EIF4ENIF1: variants seen among roughly 807,000 people sequenced by gnomAD.
EIF4ENIF1 encodes the protein eukaryotic translation initiation factor 4E nuclear import factor 1, also known as eukaryotic translation initiation factor 4E transporter.
In EIF4ENIF1, 23 loss-of-function variants were observed where a neutral mutation model predicts 110.5. That is an observed-to-expected ratio of 0.21 (90% CI 0.15 to 0.29). The LOEUF is 0.29. Among genes scored for constraint, EIF4ENIF1 ranks in the 10% least tolerant of loss-of-function variants. The pLI is 1.00. For synonymous variants in EIF4ENIF1, 440 were observed against 437.0 expected, an observed-to-expected ratio of 1.01 and a Z score of -0.09; for missense variants, 1,031 against 1,221.1, an observed-to-expected ratio of 0.84 and a Z score of 2.32.
At chr22:31,482,027 C>T (rs2051833406) in intron 2 of EIF4ENIF1, among the ~76,000 whole-genome samples, 1 of 151,806 alleles carries the variant, frequency 6.6e-6, no homozygotes, top group South Asian at 2.1e-4. Flanking sequence ...AAAAATTAGC[C>T]ATGTGTGGTG....
chr22:31,459,816 G>A (rs887958219), intron 6 of EIF4ENIF1, among the ~76,000 whole-genome samples: 7 of 152,026 alleles, frequency 4.6e-5, no homozygotes, highest in Non-Finnish European at 8.8e-5. Flanking sequence ...TTAGCTAATG[G>A]GATGAACCAA....
chr22:31,463,430 G>A (rs567818281), intron 5 of EIF4ENIF1, among the ~76,000 whole-genome samples: 2 of 152,154 alleles, frequency 1.3e-5, no homozygotes, highest in South Asian at 2.1e-4. Context: ...TGTAATCCCA[G>A]CACTTTGGGA....
Position 31,458,639 on chromosome 22 carries a change from A to T in EIF4ENIF1, c.799T>A (p.Cys267Ser). 7 of 1,596,160 alleles carry T rather than the reference A, an allele frequency of 4.4e-6. No homozygotes were observed. Among genetic ancestry groups the T allele is most frequent in the Non-Finnish European group, 6.0e-6 (7 of 1,170,374 alleles). Reference sequence around the variant, plus strand: ...TCCTCTTCGGCCACTCCTCCATTGCACTCTACTATACCTGAAAGCAAAACC... The same window carrying T: ...TCCTCTTCGGCCACTCCTCCATTGCTCTCTACTATACCTGAAAGCAAAACC... ...TASVKEGIVE[C>S]NGGVAEEDEV... The change falls in exon 7 of 19, where the codon TGC becomes AGC. Residue 267 changes from cysteine to serine, a missense_variant. Around this residue, in one of 3 missense-constraint regions of EIF4ENIF1, gnomAD observed 704 missense variants for 879.7 expected, o/e 0.80. Coordinates refer to ENST00000330125, the MANE Select transcript of EIF4ENIF1 (RefSeq NM_019843.4).
intron 10 of EIF4ENIF1, among the ~76,000 whole-genome samples, chr22:31,452,866 G>A (rs1374246420): frequency 1.3e-5 from 2 of 152,332 alleles, no homozygotes; most frequent in East Asian, 3.9e-4. Context: ...CCTTTCAAGT[G>A]TAGGTCAGTC....
At chr22:31,451,518 C>A (rs2050674733) in intron 10 of EIF4ENIF1, among the ~76,000 whole-genome samples, 1 of 152,058 alleles carries the variant, frequency 6.6e-6, no homozygotes, top group Admixed American at 6.6e-5. Context: ...TCGTGATCTG[C>A]CCGCCTCGGC....
intron 14 of EIF4ENIF1, among the ~76,000 whole-genome samples, chr22:31,445,961 C>CCG (rs1555902735): frequency 1.3e-5 from 2 of 148,248 alleles, no homozygotes; most frequent in East Asian, 4.2e-4. Flanking sequence ...CCGCCCCCCC[C>CCG]CCCCATCTAC....
intron 2 of EIF4ENIF1, among the ~76,000 whole-genome samples, chr22:31,475,376 G>A (rs958990804): frequency 3.9e-5 from 6 of 152,240 alleles, no homozygotes; most frequent in Non-Finnish European, 7.4e-5. Context: ...AGGCTGAAGC[G>A]GGAAGACTGC....
rs1184029036 is a variant in EIF4ENIF1 at position 31,455,101 on chromosome 22, T to A, written c.1279+35A>T. ...CTGAAGACTGAACATCTAGACCTTT[T>A]CAGATATCTAAAACAGATATTCATA... On this transcript the variant is annotated intron_variant, in intron 9 of 18. Coordinates refer to ENST00000330125, the MANE Select transcript of EIF4ENIF1 (RefSeq NM_019843.4). 7 of 1,552,562 alleles carry A rather than the reference T, an allele frequency of 4.5e-6. No individual in the cohort carries two copies. In the East Asian group the frequency reaches 6.8e-5, roughly 15 times the overall value.
chr22:31,443,258 G>A (rs16989620), intron 15 of EIF4ENIF1, 164 bp from the exon 16 acceptor site: 41,817 of 931,330 alleles, frequency 0.045, 997 homozygotes, highest in Non-Finnish European at 0.051. Flanking sequence ...ACAGAATGGG[G>A]CAAATAGGCA....
chr22:31,482,051 G>T (rs749027743), intron 2 of EIF4ENIF1, among the ~76,000 whole-genome samples: 2 of 151,706 alleles, frequency 1.3e-5, no homozygotes, highest in African/African-American at 2.4e-5. Context: ...CACACCTGTA[G>T]TCCTAGCTAC....
intron 4 of EIF4ENIF1, among the ~76,000 whole-genome samples, chr22:31,467,568 T>C (rs62236223): frequency 0.046 from 7,043 of 152,212 alleles, 154 homozygotes; most frequent in African/African-American, 0.055. Context: ...CTCATGCCTG[T>C]AATCCCAGCA....
At chr22:31,478,809 G>A (rs369963981) in intron 2 of EIF4ENIF1, among the ~76,000 whole-genome samples, 7 of 151,774 alleles carry the variant, frequency 4.6e-5, no homozygotes, top group East Asian at 3.9e-4. Flanking sequence ...AAAATTAGCC[G>A]GGCGTGGTGG....
intron 2 of EIF4ENIF1, among the ~76,000 whole-genome samples, chr22:31,483,095 T>C (rs2146096062): frequency 6.6e-6 from 1 of 150,492 alleles, no homozygotes; most frequent in Admixed American, 6.7e-5. Context: ...CTATTTTGTA[T>C]TTCAAGCAGA....
At chr22:31,444,858 T>C (rs913167519) in intron 14 of EIF4ENIF1, among the ~76,000 whole-genome samples, 168 bp from the exon 15 acceptor site, 1 of 152,170 alleles carries the variant, frequency 6.6e-6, no homozygotes, top group African/African-American at 2.4e-5. Flanking sequence ...TGCTAAGCTC[T>C]GAGGGAAGAC....
intron 7 of EIF4ENIF1, 119 bp from the exon 8 acceptor site, chr22:31,456,106 A>C (rs533182150): frequency 5.3e-4 from 535 of 1,016,168 alleles, no homozygotes; most frequent in Middle Eastern, 2.6e-3. Flanking sequence ...CCTGAAGATA[A>C]ATACTCTCAG....
At chr22:31,472,448 T>C (rs2051413548) in intron 2 of EIF4ENIF1, among the ~76,000 whole-genome samples, 1 of 152,166 alleles carries the variant, frequency 6.6e-6, no homozygotes, top group African/African-American at 2.4e-5. Flanking sequence ...TTTGTATTTT[T>C]AGTAGAGACG....
chr22:31,440,264 A>AG, intron 18 of EIF4ENIF1, 143 bp from the exon 19 acceptor site: 2 of 1,237,766 alleles, frequency 1.6e-6, no homozygotes, highest in Non-Finnish European at 2.2e-6. Context: ...GCAAAATACC[A>AG]ACAATGCCAG....
At chr22:31,469,613 C>A (rs2051296191) in intron 3 of EIF4ENIF1, among the ~76,000 whole-genome samples, 1 of 152,138 alleles carries the variant, frequency 6.6e-6, no homozygotes, top group African/African-American at 2.4e-5. Flanking sequence ...AAATGAGAAG[C>A]TCTCTCCTCT....
At chr22:31,444,310 C>T (rs1241826680) in intron 15 of EIF4ENIF1, 5 of 293,568 alleles carry the variant, frequency 1.7e-5, no homozygotes, top group Admixed American at 8.6e-5. Flanking sequence ...CTATCGTCCT[C>T]CTGTCTCCCC....
Sources: gnomAD v4.1 joint callset for allele counts (sites outside exome capture counted in the v4.1 genomes callset) on GRCh38, gnomAD v4.1.1 for gene constraint, gnomAD v4.1.1 regional missense constraint, MANE v1.5 for transcripts, NCBI Gene and HGNC (gene_info 2026-07-23, HGNC 2026-07-21) for gene names.